The following SLC24A2 variants were observed in gnomAD, a reference collection of about 807,000 sequenced individuals.
The protein encoded by SLC24A2 is solute carrier family 24 member 2.
A neutral mutation model predicts 62.0 loss-of-function variants in SLC24A2; 36 were observed. The ratio of observed to expected loss-of-function variants is 0.58; its 90% CI spans 0.44 to 0.77. SLC24A2 has a LOEUF of 0.77. SLC24A2 is among the 30% of genes least tolerant of loss of function. The pLI is 0.00. For missense variants in SLC24A2, 846 were observed against 817.9 expected, an observed-to-expected ratio of 1.03 and a Z score of -0.42; for synonymous variants, 358 against 294.0, an observed-to-expected ratio of 1.22 and a Z score of -2.23.
At chr9:19,833,530 G>C in the SLC24A2 span, among the ~76,000 whole-genome samples, 1 of 152,244 alleles carries the variant, frequency 6.6e-6, no homozygotes, top group African/African-American at 2.4e-5. Context: ...GGCTGGGGGA[G>C]GGGCGCCCGC....
the SLC24A2 span, among the ~76,000 whole-genome samples, chr9:19,870,477 C>A: frequency 6.6e-6 from 1 of 151,996 alleles, no homozygotes. Flanking sequence ...CATTTATGTA[C>A]AAGTTTTTGT....
intron 4 of SLC24A2, among the ~76,000 whole-genome samples, chr9:19,606,848 G>C (rs1159251897): frequency 6.6e-6 from 1 of 152,230 alleles, no homozygotes; most frequent in Non-Finnish European, 1.5e-5. Context: ...AAAGAGGCAA[G>C]ATTTGGTGGA....
the SLC24A2 span, among the ~76,000 whole-genome samples, chr9:19,870,097 G>C: frequency 6.6e-6 from 1 of 152,020 alleles, no homozygotes; most frequent in African/African-American, 2.4e-5. Context: ...TATTCATACT[G>C]TTCTGCGGCC....
chr9:20,171,407 A>C, the SLC24A2 span, among the ~76,000 whole-genome samples: 2 of 152,084 alleles, frequency 1.3e-5, no homozygotes, highest in African/African-American at 4.8e-5. Context: ...TGCTCCACTT[A>C]AAAGGTACAG....
chr9:20,169,374 G>A, the SLC24A2 span, among the ~76,000 whole-genome samples: 1 of 151,982 alleles, frequency 6.6e-6, no homozygotes, highest in Non-Finnish European at 1.5e-5. Flanking sequence ...ACTACTGCAG[G>A]AATAAATCAG....
chr9:20,101,408 G>A, the SLC24A2 span, among the ~76,000 whole-genome samples: 2 of 152,340 alleles, frequency 1.3e-5, no homozygotes, highest in South Asian at 4.1e-4. Flanking sequence ...TTTCTATATA[G>A]TGTCTATTAG....
At chr9:20,257,006 G>A in the SLC24A2 span, among the ~76,000 whole-genome samples, 4 of 151,994 alleles carry the variant, frequency 2.6e-5, no homozygotes, top group Non-Finnish European at 4.4e-5. Flanking sequence ...ACAATTAAAA[G>A]ATTCTTGTAT....
At chr9:19,939,556 C>G in the SLC24A2 span, among the ~76,000 whole-genome samples, 3 of 152,196 alleles carry the variant, frequency 2.0e-5, no homozygotes, top group Non-Finnish European at 4.4e-5. Flanking sequence ...CTGGGTGAGT[C>G]AGTGAGTGAG....
At chr9:19,535,292 T>C (rs1398730066) in intron 8 of SLC24A2, among the ~76,000 whole-genome samples, 4 of 152,108 alleles carry the variant, frequency 2.6e-5, no homozygotes, top group Admixed American at 2.6e-4. Context: ...TTTTCTCCCA[T>C]TCTGTAGGTT....
chr9:20,220,104 C>A, the SLC24A2 span, among the ~76,000 whole-genome samples: 1 of 151,976 alleles, frequency 6.6e-6, no homozygotes, highest in South Asian at 2.1e-4. Context: ...CATGCTGATT[C>A]CTATAGTTAA....
rs1587188600 is a variant in SLC24A2 at position 19,706,586 on chromosome 9, G to T, written c.930+79351C>A. The stretch of plus-strand genomic sequence containing the variant: ...GTAGAGACGGGGTTTCACCGTGTTA[G>T]CCAGGATGGTCTCGATCTCCTGACC... On this transcript the variant is annotated intron_variant, in intron 2 of 10. Transcript: ENST00000341998. Among the ~76,000 whole-genome samples, 5 of 152,136 alleles carry T rather than the reference G, an allele frequency of 3.3e-5. No individual in the cohort carries two copies. In the South Asian group the frequency reaches 1.0e-3, roughly 32 times the overall value.
chr9:20,217,093 A>T, the SLC24A2 span, among the ~76,000 whole-genome samples: 5 of 152,194 alleles, frequency 3.3e-5, no homozygotes, highest in African/African-American at 4.8e-5. Context: ...AGAATGAATA[A>T]ATGGATTGTG....
At chr9:19,717,971 A>T (rs1820906726) in intron 2 of SLC24A2, among the ~76,000 whole-genome samples, 1 of 147,060 alleles carries the variant, frequency 6.8e-6, no homozygotes, top group African/African-American at 2.6e-5. Context: ...AGATGATTTA[A>T]AACTTTTTTT....
the SLC24A2 span, among the ~76,000 whole-genome samples, chr9:20,218,172 G>A: frequency 1.3e-5 from 2 of 152,164 alleles, no homozygotes; most frequent in East Asian, 1.9e-4. Context: ...AGGCACTGCA[G>A]GCTACCATCA....
chr9:19,665,273 C>T (rs929263664), intron 2 of SLC24A2, among the ~76,000 whole-genome samples: 6 of 152,124 alleles, frequency 3.9e-5, no homozygotes, highest in Non-Finnish European at 7.3e-5. Flanking sequence ...GCGGTTTACG[C>T]TCACTGGTGG....
the SLC24A2 span, among the ~76,000 whole-genome samples, chr9:19,809,084 A>G: frequency 6.6e-6 from 1 of 152,196 alleles, no homozygotes; most frequent in African/African-American, 2.4e-5. Context: ...GTTAATGAGT[A>G]TACCTTTGGC....
the SLC24A2 span, among the ~76,000 whole-genome samples, chr9:19,942,983 A>T: frequency 6.6e-6 from 1 of 152,218 alleles, no homozygotes; most frequent in Non-Finnish European, 1.5e-5. Context: ...GAGTGAAGTG[A>T]TTAGAGCAAG....
the SLC24A2 span, among the ~76,000 whole-genome samples, chr9:20,294,515 C>A: frequency 6.6e-6 from 1 of 152,096 alleles, no homozygotes; most frequent in Non-Finnish European, 1.5e-5. Flanking sequence ...CAAACTCTTC[C>A]CTCAAAGCCC....
chr9:19,745,807 T>C (rs549738846), intron 2 of SLC24A2, among the ~76,000 whole-genome samples: 18 of 152,294 alleles, frequency 1.2e-4, no homozygotes, highest in African/African-American at 4.3e-4. Flanking sequence ...TCAAAAAAGT[T>C]TATTATGCCC....
Sources: gnomAD v4.1 joint callset for allele counts (sites outside exome capture counted in the v4.1 genomes callset) on GRCh38, gnomAD v4.1.1 for gene constraint, MANE v1.5 for transcripts, NCBI Gene and HGNC (gene_info 2026-07-23, HGNC 2026-07-21) for gene names.